Variants in DAB1 observed in about 807,000 individuals in gnomAD.
The protein encoded by DAB1 is DAB adaptor protein 1, also known as disabled homolog 1.
DAB1 carries 15 observed loss-of-function variants against 64.6 expected under a neutral mutation model. The observed-to-expected ratio is 0.23, with a 90% CI of 0.16 to 0.36. DAB1 has a LOEUF of 0.36. Among genes scored for constraint, DAB1 ranks in the 10% least tolerant of loss-of-function variants. The probability of loss-of-function intolerance (pLI) is 1.00; values close to 1 mark genes in which losing one functional copy is unlikely to be tolerated. For synonymous variants in DAB1, 235 were observed against 251.9 expected, an observed-to-expected ratio of 0.93 and a Z score of 0.64; for missense variants, 596 against 706.7, an observed-to-expected ratio of 0.84 and a Z score of 1.78.
At chr1:57,745,956 T>C (rs1447246327) in intron 6 of DAB1, among the ~76,000 whole-genome samples, 4 of 152,198 alleles carry the variant, frequency 2.6e-5, no homozygotes, top group African/African-American at 9.7e-5. Flanking sequence ...ATGAACAGTA[T>C]TATACTGTAC....
At chr1:57,281,141 G>A (rs1411993493) in intron 2 of DAB1, among the ~76,000 whole-genome samples, 1 of 152,102 alleles carries the variant, frequency 6.6e-6, no homozygotes, top group Non-Finnish European at 1.5e-5. Context: ...TGTCCTTAGT[G>A]GCAGAACTAA....
At chr1:57,073,726 C>T (rs1651725142) in intron 4 of DAB1, among the ~76,000 whole-genome samples, 1 of 152,104 alleles carries the variant, frequency 6.6e-6, no homozygotes, top group African/African-American at 2.4e-5. Context: ...GGGTCATAAG[C>T]CAAAGCCCTA....
At chr1:58,339,763 A>G (rs757012938) in intron 4 of DAB1, among the ~76,000 whole-genome samples, 19 of 152,194 alleles carry the variant, frequency 1.2e-4, no homozygotes, top group Non-Finnish European at 2.5e-4. Flanking sequence ...GGAAGACTTT[A>G]AGATAATTTT....
intron 6 of DAB1, among the ~76,000 whole-genome samples, chr1:57,739,002 C>G (rs1647830954): frequency 6.6e-6 from 1 of 152,350 alleles, no homozygotes; most frequent in East Asian, 1.9e-4. Flanking sequence ...ATGCACATCA[C>G]AGCCTGCATC....
At chr1:57,162,241 CCT>C (rs1660825194) in intron 2 of DAB1, among the ~76,000 whole-genome samples, 1 of 152,162 alleles carries the variant, frequency 6.6e-6, no homozygotes, top group African/African-American at 2.4e-5. Flanking sequence ...GCAAAATTTA[CCT>C]CTCTGGTTGT....
At chr1:57,391,766 AACAC>A (rs57332880) in intron 1 of DAB1, among the ~76,000 whole-genome samples, 3,007 of 94,538 alleles carry the variant, frequency 0.032, 41 homozygotes, top group Middle Eastern at 0.057. Context: ...CAGAGGAATA[AACAC>A]ACACACACAC....
chr1:57,120,612 C>T (rs993061795), intron 4 of DAB1, among the ~76,000 whole-genome samples: 3 of 152,130 alleles, frequency 2.0e-5, no homozygotes, highest in African/African-American at 7.2e-5. Context: ...TACTAACTCC[C>T]CATTCCCTCC....
At chr1:57,409,086 T>G (rs1683888737) in intron 1 of DAB1, among the ~76,000 whole-genome samples, 1 of 152,152 alleles carries the variant, frequency 6.6e-6, no homozygotes, top group Admixed American at 6.5e-5. Context: ...ATGCAGACTC[T>G]TCTATGCTTC....
intron 4 of DAB1, among the ~76,000 whole-genome samples, chr1:58,287,332 A>T (rs1355245935): frequency 6.6e-6 from 1 of 152,186 alleles, no homozygotes; most frequent in Admixed American, 6.5e-5. Context: ...TTAAAATTTA[A>T]AAAAAGATAC....
chr1:58,316,009 AG>A (rs1270356637), intron 4 of DAB1, among the ~76,000 whole-genome samples: 4 of 152,234 alleles, frequency 2.6e-5, no homozygotes, highest in African/African-American at 7.2e-5. Flanking sequence ...GGAATCAAAA[AG>A]ACTGTGGTTT....
At chr1:56,998,813 C>G (rs192536519) in intron 14 of DAB1, among the ~76,000 whole-genome samples, 1 of 152,296 alleles carries the variant, frequency 6.6e-6, no homozygotes, top group Admixed American at 6.5e-5. Context: ...TCCTGAAACA[C>G]ATACAGGGAT....
At chr1:58,188,002 A>G (rs949516625) in intron 4 of DAB1, among the ~76,000 whole-genome samples, 2 of 150,574 alleles carry the variant, frequency 1.3e-5, no homozygotes, top group African/African-American at 4.9e-5. Context: ...TCTGCCTCCC[A>G]TATTCAAGCG....
chr1:58,335,106 G>C, intron 4 of DAB1, among the ~76,000 whole-genome samples: 1 of 152,254 alleles, frequency 6.6e-6, no homozygotes, highest in Middle Eastern at 3.4e-3. Flanking sequence ...AATCATATAC[G>C]ATCAGGAAAG....
At chr1:57,245,427 C>T (rs1558014237) in intron 2 of DAB1, among the ~76,000 whole-genome samples, 3 of 152,190 alleles carry the variant, frequency 2.0e-5, no homozygotes, top group Admixed American at 6.5e-5. Context: ...GCTATCCCTC[C>T]CCCAGGCCCC....
In DAB1 at chr1:57,094,039, G is replaced by A. The variant is rs182672631; in HGVS notation, c.307-21625C>T. 3.8e-3 allele frequency among the ~76,000 whole-genome samples: 576 copies of A among 151,170 alleles called. 6 individuals carry two copies. The highest frequency in any genetic ancestry group is 0.014 in the African/African-American group (556 of 41,146). On this transcript the variant is annotated intron_variant, in intron 4 of 14. Transcript: ENST00000371236. ...CACAAGAATCACTTGAACCCAGGAG[G>A]TGGAAGTTGCAGTGAGCTGAGGTCA...
chr1:58,167,851 A>C (rs1655947099), intron 4 of DAB1, among the ~76,000 whole-genome samples: 1 of 152,134 alleles, frequency 6.6e-6, no homozygotes, highest in Non-Finnish European at 1.5e-5. Context: ...AGAAGGAAGA[A>C]ACTCCAGACA....
chr1:57,764,587 C>T (rs1020321799), intron 6 of DAB1, among the ~76,000 whole-genome samples: 4 of 152,130 alleles, frequency 2.6e-5, no homozygotes, highest in African/African-American at 7.2e-5. Flanking sequence ...TCTTGTCCTC[C>T]TACCCTTCCC....
chr1:57,664,607 T>C (rs1646425365), intron 6 of DAB1, among the ~76,000 whole-genome samples: 1 of 152,162 alleles, frequency 6.6e-6, no homozygotes, highest in African/African-American at 2.4e-5. Context: ...TTAGGGAACT[T>C]CATCCTAAGG....
chr1:57,063,661 G>C (rs1210002398), intron 8 of DAB1, among the ~76,000 whole-genome samples: 3 of 152,116 alleles, frequency 2.0e-5, no homozygotes, highest in African/African-American at 7.2e-5. Flanking sequence ...CTCTTACTCA[G>C]GTTATTCTGA....
Sources: allele counts gnomAD v4.1 joint callset (sites outside exome capture counted in the v4.1 genomes callset), GRCh38; gene constraint gnomAD v4.1.1; transcripts MANE v1.5; gene names NCBI Gene and HGNC (gene_info 2026-07-23, HGNC 2026-07-21).